BTC: variants seen among roughly 807,000 people sequenced by gnomAD.
BTC encodes probetacellulin.
Under a neutral mutation model 18.1 loss-of-function variants are expected in BTC, and 13 were observed. The observed-to-expected ratio is 0.72, with a 90% CI of 0.47 to 1.14. The LOEUF is 1.14. Among genes scored for constraint, BTC ranks in the 50% most tolerant of loss-of-function variants. BTC has a pLI of 0.00. For synonymous variants in BTC, 83 were observed against 79.4 expected, an observed-to-expected ratio of 1.05 and a Z score of -0.24; for missense variants, 247 against 224.2, an observed-to-expected ratio of 1.10 and a Z score of -0.65.
intron 1 of BTC, among the ~76,000 whole-genome samples, chr4:74,773,619 T>TTC (rs2109904269): frequency 6.6e-6 from 1 of 151,406 alleles, no homozygotes; most frequent in East Asian, 1.9e-4. Context: ...ACACAAACTT[T>TTC]TTTTTTTTTT....
At chr4:74,775,164 A>G (rs1725144578) in intron 1 of BTC, among the ~76,000 whole-genome samples, 1 of 152,168 alleles carries the variant, frequency 6.6e-6, no homozygotes, top group Non-Finnish European at 1.5e-5. Context: ...TAGATGAGGT[A>G]TAGATCCACA....
Position 74,755,855 on chromosome 4 carries a change from T to G in BTC, c.281+4A>C, listed in dbSNP as rs1289794205. 3 of 1,613,588 alleles carry G rather than the reference T, an allele frequency of 1.9e-6. No individual in the cohort carries two copies. The African/African-American group carries it at 4.0e-5, about 22-fold the overall frequency. The stretch of plus-strand genomic sequence containing the variant: ...TGCTTGCTGGCTGAGGACACTCCAC[T>G]TACACACAGGAGGGCGTCTGCTCGG... On this transcript the variant is annotated splice_donor_region_variant and intron_variant, in intron 3 of 5. Coordinates refer to ENST00000395743, the MANE Select transcript of BTC (RefSeq NM_001729.4).
intron 2 of BTC, among the ~76,000 whole-genome samples, chr4:74,756,986 C>T (rs930235113): frequency 6.6e-6 from 1 of 152,130 alleles, no homozygotes; most frequent in Non-Finnish European, 1.5e-5. Context: ...ATAATGCCCA[C>T]ACCCACAGAA....
At chr4:74,792,267 GTGTACAATAGCAC>G (rs1239483599) in intron 1 of BTC, among the ~76,000 whole-genome samples, 1 of 152,198 alleles carries the variant, frequency 6.6e-6, no homozygotes, top group East Asian at 1.9e-4. Flanking sequence ...GTTACCCTGA[GTGTACAATAGCAC>G]TGGATTCGAG....
At chr4:74,792,109 T>C (rs1725649422) in intron 1 of BTC, among the ~76,000 whole-genome samples, 1 of 152,254 alleles carries the variant, frequency 6.6e-6, no homozygotes, top group African/African-American at 2.4e-5. Context: ...GTAAAGTGTG[T>C]ATGACAGAAA....
At chr4:74,779,036 C>A (rs903226660) in intron 1 of BTC, among the ~76,000 whole-genome samples, 18 of 151,930 alleles carry the variant, frequency 1.2e-4, no homozygotes, top group Non-Finnish European at 2.4e-4. Context: ...GAAGCAGAGA[C>A]AGGAGCAAAG....
At chr4:74,792,099 G>C (rs149195693) in intron 1 of BTC, among the ~76,000 whole-genome samples, 21 of 152,112 alleles carry the variant, frequency 1.4e-4, no homozygotes, top group African/African-American at 4.6e-4. Flanking sequence ...GGACTTAAAA[G>C]TAAAGTGTGT....
rs1251470760 is a variant in BTC at position 74,787,899 on chromosome 4, G to A, written c.64+6363C>T. ...CCTAGCAATACATGATTAGGGAACA[G>A]GGAAAAAGAATCATGAAGCAAACCA... On this transcript the variant is annotated intron_variant, in intron 1 of 5. Transcript: ENST00000395743. 3.9e-5 allele frequency among the ~76,000 whole-genome samples: 6 copies of A among 152,244 alleles called. No homozygotes were observed. In the South Asian group the frequency reaches 1.2e-3, roughly 32 times the overall value.
intron 5 of BTC, among the ~76,000 whole-genome samples, chr4:74,747,195 C>T (rs781949663): frequency 1.3e-5 from 2 of 152,194 alleles, no homozygotes; most frequent in African/African-American, 2.4e-5. Flanking sequence ...GCTAGTTACG[C>T]GTCATGTGCC....
rs759420286 is a variant in BTC at position 74,794,273 on chromosome 4, G to A, written c.53C>T (p.Ala18Val). The A allele has an allele frequency of 6.5e-7, 1 of 1,549,996 alleles. No individual in the cohort carries two copies. The highest frequency in any genetic ancestry group is 1.2e-5 in the South Asian group (1 of 84,028). Residue 18 changes from alanine to valine, a missense_variant, in exon 1 of 6, where the codon GCC becomes GTC. Coordinates refer to ENST00000395743, the MANE Select transcript of BTC (RefSeq NM_001729.4). ...SGASSLPLLL[A>V]LALGLVILHC... ...GCACGGCCACTTACCCAGGGCAAGGGCCAGGAGCAGTGGCAGGGAGCTGGC... is the reference window on the plus strand; with the variant it reads ...GCACGGCCACTTACCCAGGGCAAGGACCAGGAGCAGTGGCAGGGAGCTGGC...
At chr4:74,762,519 T>A (rs1222205707) in intron 2 of BTC, among the ~76,000 whole-genome samples, 1 of 151,744 alleles carries the variant, frequency 6.6e-6, no homozygotes, top group Non-Finnish European at 1.5e-5. Context: ...TACTTGTTGA[T>A]GATGATGCTA....
chr4:74,751,183 C>T (rs567189157), intron 3 of BTC, among the ~76,000 whole-genome samples: 264 of 152,242 alleles, frequency 1.7e-3, no homozygotes, highest in Non-Finnish European at 2.9e-3. Flanking sequence ...TGTGCTAATG[C>T]ATGTGAAAGT....
chr4:74,784,745 T>G (rs1484939825), intron 1 of BTC, among the ~76,000 whole-genome samples: 1 of 152,252 alleles, frequency 6.6e-6, no homozygotes, highest in Non-Finnish European at 1.5e-5. Context: ...TTGCATATGT[T>G]GAACAAACCT....
chr4:74,770,771 C>A (rs1444243798), intron 1 of BTC, among the ~76,000 whole-genome samples: 2 of 151,398 alleles, frequency 1.3e-5, no homozygotes, highest in Non-Finnish European at 2.9e-5. Context: ...TTCAAACAAA[C>A]CAACCAGAAA....
intron 4 of BTC, 71 bp from the exon 5 acceptor site, chr4:74,748,220 G>A: frequency 1.1e-6 from 1 of 924,452 alleles, no homozygotes. Flanking sequence ...TCCATCAAGA[G>A]ATCCTATGAT....
intron 3 of BTC, among the ~76,000 whole-genome samples, chr4:74,755,084 C>G (rs769116130): frequency 3.3e-5 from 5 of 151,964 alleles, no homozygotes; most frequent in Non-Finnish European, 5.9e-5. Flanking sequence ...AAGTTCATGA[C>G]CCTTAAAGTT....
Position 74,782,819 on chromosome 4 carries a change from T to C in BTC, c.64+11443A>G, listed in dbSNP as rs1411913675. Reference sequence around the variant, plus strand: ...TGACTGGTGTGAAAATGGTATCTCATTGTGGTTTTGATTCTCATTTCTCTA... The same window carrying C: ...TGACTGGTGTGAAAATGGTATCTCACTGTGGTTTTGATTCTCATTTCTCTA... On this transcript the variant is annotated intron_variant, in intron 1 of 5. Transcript: ENST00000395743. Among the ~76,000 whole-genome samples, 7 of 152,322 alleles carry C rather than the reference T, an allele frequency of 4.6e-5. No homozygotes were observed. In the East Asian group the frequency reaches 9.6e-4, roughly 21 times the overall value.
At chr4:74,753,213 T>A (rs1724510582) in intron 3 of BTC, among the ~76,000 whole-genome samples, 1 of 152,232 alleles carries the variant, frequency 6.6e-6, no homozygotes, top group African/African-American at 2.4e-5. Flanking sequence ...ATGTTCATGA[T>A]CCTTAAGGGC....
In BTC at chr4:74,756,426, A is replaced by T. The variant is rs1167386512; in HGVS notation, c.164-450T>A. 2.6e-5 allele frequency among the ~76,000 whole-genome samples: 4 copies of T among 152,310 alleles called. No homozygotes were observed. The South Asian group carries it at 6.2e-4, about 24-fold the overall frequency. On this transcript the variant is annotated intron_variant, in intron 2 of 5. Transcript: ENST00000395743. Reference sequence around the variant, plus strand: ...CTGGTCTGTTTGCTTCTTGTATATTATTCATTTAATGTTCATAATAGCCTT... The same window carrying T: ...CTGGTCTGTTTGCTTCTTGTATATTTTTCATTTAATGTTCATAATAGCCTT...
Sources: allele counts gnomAD v4.1 joint callset (sites outside exome capture counted in the v4.1 genomes callset), GRCh38; gene constraint gnomAD v4.1.1; transcripts MANE v1.5; gene names NCBI Gene and HGNC (gene_info 2026-07-23, HGNC 2026-07-21).